Variants in STK38L observed in about 807,000 individuals in gnomAD.
STK38L encodes serine/threonine kinase 38 like, also known as serine/threonine-protein kinase 38-like.
In STK38L, 28 loss-of-function variants were observed where a neutral mutation model predicts 59.7. The observed-to-expected ratio is 0.47, with a 90% CI of 0.35 to 0.64. The LOEUF (loss-of-function observed/expected upper bound fraction) is 0.64, where lower values mean the gene tolerates loss of function less well. STK38L is among the 30% of genes least tolerant of loss of function. The pLI, the probability that STK38L is intolerant of heterozygous loss-of-function variation, is 0.01. For synonymous variants in STK38L, 162 were observed against 176.8 expected, an observed-to-expected ratio of 0.92 and a Z score of 0.66; for missense variants, 314 against 555.8, an observed-to-expected ratio of 0.56 and a Z score of 4.37.
chr12:27,298,755 G>A (rs1374347094), intron 2 of STK38L, among the ~76,000 whole-genome samples: 1 of 152,120 alleles, frequency 6.6e-6, no homozygotes, highest in African/African-American at 2.4e-5. Context: ...AGAGCAGGAG[G>A]GAAGGATATT....
At chr12:27,248,977 T>C (rs1315226583) in intron 1 of STK38L, among the ~76,000 whole-genome samples, 1 of 152,220 alleles carries the variant, frequency 6.6e-6, no homozygotes, top group African/African-American at 2.4e-5. Context: ...GACTTCGCTT[T>C]GTTATAAAAA....
intron 1 of STK38L, among the ~76,000 whole-genome samples, chr12:27,262,277 A>G (rs188134881): frequency 3.8e-4 from 58 of 152,334 alleles, no homozygotes; most frequent in African/African-American, 1.4e-3. Context: ...CTGAAACTAA[A>G]TACAAATTAT....
intron 3 of STK38L, among the ~76,000 whole-genome samples, chr12:27,303,790 G>GTATA (rs1565547113): frequency 6.6e-6 from 1 of 152,118 alleles, no homozygotes; most frequent in African/African-American, 2.4e-5. Flanking sequence ...GGTAAGGGAT[G>GTATA]TATACAAAAT....
chr12:27,272,291 C>T lies in STK38L; in HGVS notation c.-11-25419C>T, dbSNP rs1343977907. Among the ~76,000 whole-genome samples, 12 of 152,160 alleles carry T rather than the reference C, an allele frequency of 7.9e-5. No individual in the cohort carries two copies. In the East Asian group the frequency reaches 2.1e-3, roughly 27 times the overall value. ...CATTCCGTTTTGAGTAGAATTAGCA[C>T]AGCGTTGGAATGACCATGTATAGGA... On this transcript the variant is annotated intron_variant, in intron 1 of 13. Transcript: ENST00000389032.
chr12:27,309,118 G>T lies in STK38L; in HGVS notation c.314G>T (p.Arg105Leu), dbSNP rs529033839. The T allele has an allele frequency of 2.5e-6, 4 of 1,582,812 alleles. No individual in the cohort carries two copies. Among genetic ancestry groups the T allele is most frequent in the South Asian group, 1.2e-5 (1 of 85,994 alleles). ...VIGRGAFGEV[R>L]LVQKKDTGHI... ...TATATGTTTTTTATCTTTTAGGTGCGGTTGGTCCAGAAGAAAGATACAGGC... is the reference window on the plus strand; with the variant it reads ...TATATGTTTTTTATCTTTTAGGTGCTGTTGGTCCAGAAGAAAGATACAGGC... Residue 105 changes from arginine (R) to leucine (L), a missense_variant, in exon 5 of 14, where the codon CGG (arginine) becomes CTG (leucine). Coordinates refer to ENST00000389032, the MANE Select transcript of STK38L (RefSeq NM_015000.4).
At chr12:27,300,431 G>A (rs1201425767) in intron 2 of STK38L, 3 of 416,640 alleles carry the variant, frequency 7.2e-6, no homozygotes, top group Admixed American at 2.6e-5. Context: ...ATTTCATGAA[G>A]TGTTAGTCTT....
intron 1 of STK38L, among the ~76,000 whole-genome samples, chr12:27,259,291 C>T (rs1943154084): frequency 6.6e-6 from 1 of 152,148 alleles, no homozygotes; most frequent in Non-Finnish European, 1.5e-5. Context: ...TTTGGTCTTC[C>T]TGACTTGTTA....
intron 1 of STK38L, chr12:27,297,043 A>G (rs1353934863): frequency 6.6e-6 from 1 of 152,172 alleles, no homozygotes; most frequent in African/African-American, 2.4e-5. Context: ...TCTGAATTTC[A>G]TTTGAAAATG....
chr12:27,296,157 AAG>A (rs1591908941), intron 1 of STK38L, among the ~76,000 whole-genome samples: 1 of 152,298 alleles, frequency 6.6e-6, no homozygotes, highest in East Asian at 1.9e-4. Context: ...AGGAGAAAAA[AAG>A]GGGGAAATCA....
At chr12:27,306,812 C>T (rs776048233) in intron 3 of STK38L, among the ~76,000 whole-genome samples, 1 of 151,904 alleles carries the variant, frequency 6.6e-6, no homozygotes, top group Non-Finnish European at 1.5e-5. Flanking sequence ...GGGATCTCAG[C>T]TCACTGCAAC....
intron 1 of STK38L, among the ~76,000 whole-genome samples, chr12:27,287,596 T>C (rs1212566391): frequency 6.6e-6 from 1 of 152,232 alleles, no homozygotes; most frequent in Non-Finnish European, 1.5e-5. Context: ...CCAGTAGTTA[T>C]CCATCTATAT....
At chr12:27,307,533 T>C (rs189019283) in intron 3 of STK38L, among the ~76,000 whole-genome samples, 1 of 152,352 alleles carries the variant, frequency 6.6e-6, no homozygotes, top group Admixed American at 6.5e-5. Context: ...CAGTTGAAGA[T>C]GAACAGGAGT....
chr12:27,254,858 TC>T (rs1943057559), intron 1 of STK38L, among the ~76,000 whole-genome samples: 1 of 152,154 alleles, frequency 6.6e-6, no homozygotes, highest in African/African-American at 2.4e-5. Flanking sequence ...CCACACCTCT[TC>T]CAGGTACCAC....
chr12:27,300,024 A>G (rs1482788058), intron 2 of STK38L, among the ~76,000 whole-genome samples: 1 of 152,338 alleles, frequency 6.6e-6, no homozygotes, highest in African/African-American at 2.4e-5. Flanking sequence ...GCACTTAAAA[A>G]AATTCATCAG....
intron 2 of STK38L, among the ~76,000 whole-genome samples, chr12:27,300,377 A>G (rs1355606090): frequency 6.6e-6 from 1 of 152,244 alleles, no homozygotes; most frequent in Non-Finnish European, 1.5e-5. Flanking sequence ...TAGATATGGT[A>G]GAAATGGATA....
intron 3 of STK38L, among the ~76,000 whole-genome samples, chr12:27,305,514 T>C (rs1944289254): frequency 6.6e-6 from 1 of 151,986 alleles, no homozygotes; most frequent in African/African-American, 2.4e-5. Context: ...ACAAGCTCTC[T>C]CAACCTTAAT....
At position 27,325,131 on chromosome 12, in the gene STK38L, A is replaced by G. The variant is rs1211556294; in HGVS notation, c.*2676A>G. 3.3e-5 allele frequency: 5 copies of G among 152,216 alleles called. No individual in the cohort carries two copies. Among genetic ancestry groups the G allele is most frequent in the Admixed American group, 6.5e-5 (1 of 15,294 alleles). 9.4% of individuals were successfully genotyped at this position (152,216 alleles called of 1,614,324 possible). A position where few individuals can be genotyped will look rare whatever the true frequency, so the allele number is the denominator to read the frequency against. ...TTTCTTTTATGCATTTATTACTAAC[A>G]TAGCTTTAAATCTTTAAATGTATTG... On this transcript the variant is annotated 3_prime_UTR_variant, in exon 14 of 14. Coordinates refer to ENST00000389032, the MANE Select transcript of STK38L (RefSeq NM_015000.4).
chr12:27,303,342 TCACTC>T (rs1347075569), intron 3 of STK38L, among the ~76,000 whole-genome samples: 1 of 151,192 alleles, frequency 6.6e-6, no homozygotes, highest in Non-Finnish European at 1.5e-5. Context: ...TCATGTCACT[TCACTC>T]CAGCCTGGGC....
rs1240994677 is a variant in STK38L, at chr12:27,323,490, T to C, written c.*1035T>C. 6.6e-6 allele frequency: 1 copy of C among 152,638 alleles called. No homozygotes were observed. Among genetic ancestry groups the C allele is most frequent in the Non-Finnish European group, 1.5e-5 (1 of 67,998 alleles). 9.5% of individuals were successfully genotyped at this position (152,638 alleles called of 1,614,324 possible). On this transcript the variant is annotated 3_prime_UTR_variant, in exon 14 of 14. Coordinates refer to ENST00000389032, the MANE Select transcript of STK38L (RefSeq NM_015000.4). ...CTTTTATTTCTTTTGATGAAAATTT[T>C]TCCTTTGATAGTACTTGTATTATTG...
Sources: gnomAD v4.1 joint callset for allele counts (sites outside exome capture counted in the v4.1 genomes callset) on GRCh38, gnomAD v4.1.1 for gene constraint, MANE v1.5 for transcripts, NCBI Gene and HGNC (gene_info 2026-07-23, HGNC 2026-07-21) for gene names.